PDCD11: variants seen among roughly 807,000 people sequenced by gnomAD.
PDCD11 encodes protein RRP5 homolog.
Under a neutral mutation model 198.9 loss-of-function variants are expected in PDCD11, and 97 were observed. The observed-to-expected ratio is 0.49, with a 90% confidence interval of 0.41 to 0.58. The LOEUF (loss-of-function observed/expected upper bound fraction) is 0.58. Among genes scored for constraint, PDCD11 ranks in the 20% least tolerant of loss-of-function variants. The probability of loss-of-function intolerance (pLI) is 0.00; values close to 1 mark genes in which losing one functional copy is unlikely to be tolerated. For missense variants in PDCD11, 2,102 were observed against 2,312.7 expected (o/e 0.91, Z 1.87); for synonymous variants, 893 against 918.0 (o/e 0.97, Z 0.49).
At chr10:103,397,677 A>C (rs2093444301) in intron 1 of PDCD11, among the ~76,000 whole-genome samples, 1 of 152,202 alleles carries the variant, frequency 6.6e-6, no homozygotes, top group South Asian at 2.1e-4. Flanking sequence ...CAGATGATCC[A>C]CGCGCCTCGG....
chr10:103,429,875 A>G (rs991616790), intron 21 of PDCD11, among the ~76,000 whole-genome samples: 1 of 152,182 alleles, frequency 6.6e-6, no homozygotes, highest in Non-Finnish European at 1.5e-5. Flanking sequence ...TACCTCACTC[A>G]TATAAATGGA....
chr10:103,411,507 G>A (rs915475071), intron 8 of PDCD11, among the ~76,000 whole-genome samples: 2 of 151,748 alleles, frequency 1.3e-5, no homozygotes, highest in Non-Finnish European at 2.9e-5. Flanking sequence ...CTGGGACTAC[G>A]GATGCATGCC....
At chr10:103,422,961 T>G in intron 17 of PDCD11, 27 bp from the exon 18 acceptor site, 6 of 1,470,432 alleles carry the variant, frequency 4.1e-6, no homozygotes, top group Non-Finnish European at 5.4e-6. Flanking sequence ...ATGGTACTAA[T>G]CCGTGTTTCC....
intron 21 of PDCD11, among the ~76,000 whole-genome samples, chr10:103,428,103 C>G (rs2031774505): frequency 6.6e-6 from 1 of 152,044 alleles, no homozygotes; most frequent in Admixed American, 6.5e-5. Context: ...GTCAGGAGTT[C>G]CAGACTAGCC....
chr10:103,429,413 G>C (rs1019830951), intron 21 of PDCD11, among the ~76,000 whole-genome samples: 2 of 152,150 alleles, frequency 1.3e-5, no homozygotes, highest in African/African-American at 4.8e-5. Flanking sequence ...GGTGGGTTTG[G>C]TTTGGTTTGG....
intron 7 of PDCD11, among the ~76,000 whole-genome samples, chr10:103,408,692 C>G (rs2030611169): frequency 6.6e-6 from 1 of 152,004 alleles, no homozygotes; most frequent in Non-Finnish European, 1.5e-5. Flanking sequence ...AGGCACCCAC[C>G]ACCACACCTG....
chr10:103,416,397 C>A, intron 12 of PDCD11, 94 bp from the exon 13 acceptor site: 1 of 1,292,610 alleles, frequency 7.7e-7, no homozygotes, highest in Non-Finnish European at 1.1e-6. Context: ...TGGGGAATGG[C>A]CCCGTGGCTT....
chr10:103,419,815 A>T, intron 16 of PDCD11, 107 bp downstream of exon 16: 1 of 984,164 alleles, frequency 1.0e-6, no homozygotes, highest in Non-Finnish European at 1.5e-6. Flanking sequence ...TTTTTGAGAC[A>T]GTCTTGTTCT....
rs942566761 is a variant in PDCD11 at position 103,440,393 on chromosome 10, G to A, written c.4252G>A (p.Glu1418Lys). Residue 1418 changes from glutamate to lysine, a missense_variant, in exon 29 of 36, where the codon GAG (glutamate) becomes AAG (lysine). Coordinates refer to ENST00000369797, the MANE Select transcript of PDCD11 (RefSeq NM_014976.2). ...ASLEGQLTKQEERKTEAEERD... is the reference protein window; with the variant it reads ...ASLEGQLTKQKERKTEAEERD... Reference sequence around the variant, plus strand: ...CTTGGAAGGGCAACTTACAAAGCAAGAGGAGAGGAAAACAGAGGCTGAGGA... The same window carrying A: ...CTTGGAAGGGCAACTTACAAAGCAAAAGGAGAGGAAAACAGAGGCTGAGGA... 1.2e-6 allele frequency: 2 copies of A among 1,614,252 alleles called. No homozygotes were observed. The highest frequency in any genetic ancestry group is 1.7e-6 in the Non-Finnish European group (2 of 1,180,040).
intron 8 of PDCD11, among the ~76,000 whole-genome samples, chr10:103,410,118 C>G (rs970964437): frequency 6.6e-6 from 1 of 152,040 alleles, no homozygotes; most frequent in Non-Finnish European, 1.5e-5. Flanking sequence ...GCCTGTAGTC[C>G]CAGCTACTCA....
chr10:103,440,703 C>G (rs374689399), intron 29 of PDCD11, 31 bp from the exon 30 acceptor site: 24 of 1,613,696 alleles, frequency 1.5e-5, no homozygotes, highest in Non-Finnish European at 1.9e-5. Context: ...CAGGAGGATG[C>G]TCCTAGGCAT....
At chr10:103,438,133 T>C (rs368704137) in intron 26 of PDCD11, 62 bp downstream of exon 26, 1 of 1,369,736 alleles carries the variant, frequency 7.3e-7, no homozygotes, top group Admixed American at 1.7e-5. Context: ...AAGGGGAGGC[T>C]ACGTGTATCT....
intron 2 of PDCD11, among the ~76,000 whole-genome samples, chr10:103,399,173 G>T (rs946564559): frequency 2.7e-5 from 4 of 147,780 alleles, no homozygotes; most frequent in African/African-American, 1.0e-4. Flanking sequence ...GTGCAGTGGC[G>T]TGAGTAGCTG....
intron 17 of PDCD11, 38 bp from the exon 18 acceptor site, chr10:103,422,950 C>G (rs140622243): frequency 1.4e-6 from 2 of 1,420,770 alleles, no homozygotes; most frequent in Admixed American, 2.6e-5. Context: ...AGAGTTCTTT[C>G]ATGGTACTAA....
At chr10:103,428,321 A>C (rs1266654552) in intron 21 of PDCD11, among the ~76,000 whole-genome samples, 2 of 151,138 alleles carry the variant, frequency 1.3e-5, no homozygotes, top group African/African-American at 2.5e-5. Context: ...AAAAAAAAAA[A>C]CACAAAGTAA....
chr10:103,427,112 A>C (rs1393197192), intron 20 of PDCD11, among the ~76,000 whole-genome samples: 1 of 136,344 alleles, frequency 7.3e-6, no homozygotes, highest in East Asian at 1.9e-4. Context: ...TTGTCCCAGA[A>C]AAAAAAAAAA....
At chr10:103,439,928 G>T in intron 28 of PDCD11, 60 bp downstream of exon 28, 1 of 1,595,454 alleles carries the variant, frequency 6.3e-7, no homozygotes, top group Non-Finnish European at 8.6e-7. Flanking sequence ...TTCTCCAGGA[G>T]CCCTGGGAGG....
chr10:103,425,110 C>T lies in PDCD11; in HGVS notation c.2890C>T (p.Arg964Cys), dbSNP rs111766494. 89 of 1,614,202 alleles carry T rather than the reference C, an allele frequency of 5.5e-5. No individual in the cohort carries two copies. The highest frequency in any genetic ancestry group is 5.5e-4 in the South Asian group (50 of 91,080). ...SLTSHLNDTF[R>C]FDSEKLQVGQ... is the part of the protein sequence containing the mutation. ...GACCTCTCACCTCAACGACACCTTC[C>T]GCTTTGACTCAGAGAAATTGCAGGT... The change falls in exon 20 of 36, where the codon CGC (arginine) becomes TGC (cysteine). Residue 964 changes from arginine (R) to cysteine (C), a missense_variant. Physicochemically the swap from Arg to Cys is radical, Grantham distance 180 (BLOSUM62 -3). Coordinates refer to ENST00000369797, the MANE Select transcript of PDCD11 (RefSeq NM_014976.2).
chr10:103,407,524 C>G (rs1049606585), intron 7 of PDCD11, among the ~76,000 whole-genome samples: 2 of 152,010 alleles, frequency 1.3e-5, no homozygotes, highest in African/African-American at 4.8e-5. Flanking sequence ...GATTGTGCCA[C>G]TGCATTCCAG....
Sources: gnomAD v4.1 joint callset for allele counts (sites outside exome capture counted in the v4.1 genomes callset) on GRCh38, gnomAD v4.1.1 for gene constraint, MANE v1.5 for transcripts, NCBI Gene and HGNC (gene_info 2026-07-23, HGNC 2026-07-21) for gene names.